The following SUGP2 variants were observed in gnomAD, a reference collection of about 807,000 sequenced individuals.
The protein encoded by SUGP2 is SURP and G-patch domain containing 2.
A neutral mutation model predicts 90.5 loss-of-function variants in SUGP2; 24 were observed. The observed-to-expected ratio is 0.27, with a 90% CI of 0.19 to 0.37. The LOEUF (loss-of-function observed/expected upper bound fraction) is 0.37, where lower values mean the gene tolerates loss of function less well. Among genes scored for constraint, SUGP2 ranks in the 10% least tolerant of loss-of-function variants. SUGP2 has a pLI of 1.00. For missense variants in SUGP2, 1,233 were observed against 1,363.3 expected (o/e 0.90, Z 1.51); for synonymous variants, 473 against 513.4 (o/e 0.92, Z 1.06).
chr19:18,997,220 T>C (rs2057634152), intron 8 of SUGP2, among the ~76,000 whole-genome samples: 1 of 151,674 alleles, frequency 6.6e-6, no homozygotes, highest in Non-Finnish European at 1.5e-5. Context: ...TAGGGGTGCA[T>C]GTGGGAGGCA....
rs1050701332 is a variant in SUGP2 at position 19,019,046 on chromosome 19, T to C, written c.1850+63A>G. On this transcript the variant is annotated intron_variant, in intron 4 of 10. Coordinates refer to ENST00000452918, the MANE Select transcript of SUGP2 (RefSeq NM_001017392.5). ...CCCTCTGCTCTCAATACCATCAGAG[T>C]GACCCAAATTTTGCCATATACTCCA... 7.7e-6 allele frequency: 12 copies of C among 1,563,800 alleles called. No individual in the cohort carries two copies. The South Asian group carries it at 1.4e-4, about 18-fold the overall frequency.
chr19:19,031,574 G>T (rs371774992), intron 1 of SUGP2, among the ~76,000 whole-genome samples: 1 of 150,020 alleles, frequency 6.7e-6, no homozygotes, highest in Non-Finnish European at 1.5e-5. Context: ...ATGGTGGCAC[G>T]TGCCTGTAAT....
intron 2 of SUGP2, 78 bp downstream of exon 2, chr19:19,030,873 G>A (rs2059125298): frequency 6.8e-7 from 1 of 1,460,722 alleles, no homozygotes; most frequent in Admixed American, 2.2e-5. Context: ...TTTGCCCAAG[G>A]TATTGTAATC....
chr19:18,999,352 A>G (rs957315968), intron 8 of SUGP2, among the ~76,000 whole-genome samples: 1 of 152,190 alleles, frequency 6.6e-6, no homozygotes, highest in Non-Finnish European at 1.5e-5. Flanking sequence ...AACCGCGTTC[A>G]GTTTAATCCT....
chr19:18,998,448 C>T (rs1200959453), intron 8 of SUGP2, among the ~76,000 whole-genome samples: 1 of 152,206 alleles, frequency 6.6e-6, no homozygotes, highest in African/African-American at 2.4e-5. Context: ...CACCGCACAC[C>T]TTTTTTTATC....
At chr19:18,994,615 G>A (rs1297031397) in intron 9 of SUGP2, 129 bp from the exon 10 acceptor site, 10 of 1,308,468 alleles carry the variant, frequency 7.6e-6, no homozygotes, top group Non-Finnish European at 1.0e-5. Context: ...TCAAAGAAAG[G>A]GAAAATCAAG....
intron 1 of SUGP2, 36 bp downstream of exon 1, chr19:19,033,401 A>G: frequency 7.8e-7 from 1 of 1,278,988 alleles, no homozygotes; most frequent in Non-Finnish European, 9.9e-7. Context: ...CCACCCCGGG[A>G]GCCACCCACC....
At chr19:19,003,885 C>T (rs1424398869) in intron 7 of SUGP2, among the ~76,000 whole-genome samples, 1 of 152,152 alleles carries the variant, frequency 6.6e-6, no homozygotes, top group Non-Finnish European at 1.5e-5. Context: ...CTGAGATGAC[C>T]CAGGCCCATC....
In SUGP2 at chr19:19,033,488, CCCG is replaced by C. The variant is rs748650026; in HGVS notation, c.-66_-64del. On this transcript the variant is annotated 5_prime_UTR_variant, in exon 1 of 11. Transcript: ENST00000452918. ...CCCCGCCGCCGCCTCAGGCTCCTCA[CCCG>C]CCGCCGCCGCCGCGCGAGGCGGGGA... is the stretch of plus-strand genomic sequence containing the variant. The C allele has an allele frequency of 4.7e-3, 6,274 of 1,334,670 alleles. No homozygotes were observed. Among genetic ancestry groups the C allele is most frequent in the South Asian group, 0.018 (1,124 of 63,158 alleles). 82.7% of individuals were successfully genotyped at this position (1,334,670 alleles called of 1,614,324 possible).
intron 4 of SUGP2, among the ~76,000 whole-genome samples, chr19:19,011,153 A>AC (rs2058298192): frequency 6.7e-6 from 1 of 150,332 alleles, no homozygotes; most frequent in Non-Finnish European, 1.5e-5. Flanking sequence ...AAAAAAAAAA[A>AC]CCTTCTCCTT....
chr19:18,992,562 G>T lies in SUGP2; in HGVS notation c.*1179C>A, dbSNP rs909638677. 3.9e-5 allele frequency: 6 copies of T among 152,124 alleles called. No homozygotes were observed. Among genetic ancestry groups the T allele is most frequent in the African/African-American group, 1.4e-4 (6 of 41,402 alleles). 9.4% of individuals were successfully genotyped at this position (152,124 alleles called of 1,614,324 possible). On this transcript the variant is annotated 3_prime_UTR_variant, in exon 11 of 11. Coordinates refer to ENST00000452918, the MANE Select transcript of SUGP2 (RefSeq NM_001017392.5). ...AGACGGGGTTACACCATGTTGGCCA[G>T]GCTGGTCTCAAACTCCTGACCTCAG...
intron 4 of SUGP2, among the ~76,000 whole-genome samples, chr19:19,015,204 AAAAT>A (rs140520431): frequency 0.82 from 119,626 of 146,464 alleles, 49,081 homozygotes; most frequent in East Asian, 0.93. Context: ...TCTGTCTCAA[AAAAT>A]AAATAAATAA....
intron 5 of SUGP2, among the ~76,000 whole-genome samples, chr19:19,008,629 C>T (rs781464655): frequency 6.2e-4 from 95 of 152,196 alleles, no homozygotes; most frequent in Non-Finnish European, 8.2e-4. Flanking sequence ...GGTCCTGGGA[C>T]TCACATCAGC....
chr19:19,002,623 C>T (rs1038264329), intron 7 of SUGP2, among the ~76,000 whole-genome samples: 1 of 149,256 alleles, frequency 6.7e-6, no homozygotes, highest in African/African-American at 2.5e-5. Flanking sequence ...AAGCGATTCT[C>T]CAGCCTCAGC....
rs576145897 is a variant in SUGP2 at position 19,025,926 on chromosome 19, C to G, written c.422G>C (p.Arg141Pro). The G allele has an allele frequency of 6.2e-7, 1 of 1,614,180 alleles. No homozygotes were observed. The highest frequency in any genetic ancestry group is 8.5e-7 in the Non-Finnish European group (1 of 1,180,040). ...GCCAAAGTCTTGTTCCCAAGAACCA[C>G]GGAGCGCAAATTTCCAGTCCTGAGA... The part of the protein sequence containing the change: ...FRSQDWKFAL[R>P]GSWEQDFGHP... The change falls in exon 3 of 11, where the codon CGT (arginine) becomes CCT (proline). Residue 141 changes from arginine to proline, a missense_variant. By Grantham distance (103) the Arg-to-Pro change is moderately radical. Around this residue, in one of 8 missense-constraint regions of SUGP2, gnomAD observed 418 missense variants for 399.9 expected, o/e 1.05. Transcript: ENST00000452918.
At chr19:19,001,776 T>C in intron 7 of SUGP2, 102 bp from the exon 8 acceptor site, 1 of 1,169,272 alleles carries the variant, frequency 8.6e-7, no homozygotes, top group Non-Finnish European at 1.3e-6. Context: ...AGTTCTCTGA[T>C]GACAGAAGGT....
intron 4 of SUGP2, among the ~76,000 whole-genome samples, chr19:19,014,526 G>C (rs1458637644): frequency 6.6e-6 from 1 of 152,042 alleles, no homozygotes; most frequent in Non-Finnish European, 1.5e-5. Context: ...TATTAAGGCT[G>C]GACATGATGG....
At chr19:19,002,724 G>C (rs753592627) in intron 7 of SUGP2, among the ~76,000 whole-genome samples, 2 of 151,772 alleles carry the variant, frequency 1.3e-5, no homozygotes, top group Non-Finnish European at 2.9e-5. Flanking sequence ...TGTTGGTCAG[G>C]CTGGTCTCAA....
In SUGP2 at chr19:19,010,073, C is replaced by A. The variant is rs1160559244; in HGVS notation, c.2120G>T (p.Gly707Val). Residue 707 changes from glycine to valine, a missense_variant, in exon 5 of 11, where the codon GGC (glycine) becomes GTC (valine). This residue lies in a region of SUGP2 where 540 missense variants were observed against 542.6 expected (regional missense o/e 1.00). Transcript: ENST00000452918. ...CCGGCCGTGGTGTTTCAGCCTGGTG[C>A]CTGAGGATAGGAGGGTCTGGGTCCC... ...TTGTQTLLSS[G>V]TRLKHHGRQA... 3.1e-6 allele frequency: 5 copies of A among 1,613,454 alleles called. No individual in the cohort carries two copies. Among genetic ancestry groups the A allele is most frequent in the Non-Finnish European group, 4.2e-6 (5 of 1,179,956 alleles).
Sources: gnomAD v4.1 joint callset for allele counts (sites outside exome capture counted in the v4.1 genomes callset) on GRCh38, gnomAD v4.1.1 for gene constraint, gnomAD v4.1.1 regional missense constraint, MANE v1.5 for transcripts, NCBI Gene and HGNC (gene_info 2026-07-23, HGNC 2026-07-21) for gene names.